Variants in PKIB observed in about 807,000 individuals in gnomAD.
PKIB encodes the protein cAMP-dependent protein kinase inhibitor beta, also known as PKI-beta.
PKIB carries 2 observed loss-of-function variants against 4.5 expected under a neutral mutation model. The observed-to-expected ratio is 0.44, with a 90% CI of 0.18 to 1.39. The LOEUF is 1.39. Among genes scored for constraint, PKIB ranks in the 40% most tolerant of loss-of-function variants. The pLI is 0.27. For missense variants in PKIB, 94 were observed against 92.6 expected (o/e 1.02, Z -0.06); for synonymous variants, 38 against 36.0 (o/e 1.06, Z -0.20).
chr6:122,702,194 C>G (rs1778840567), intron 3 of PKIB, among the ~76,000 whole-genome samples: 1 of 151,596 alleles, frequency 6.6e-6, no homozygotes, highest in African/African-American at 2.4e-5. Context: ...TCTATGTAAT[C>G]CGAACAAAAG....
chr6:122,502,466 GA>G (rs1308243174), intron 2 of PKIB, among the ~76,000 whole-genome samples: 1 of 151,710 alleles, frequency 6.6e-6, no homozygotes, highest in African/African-American at 2.4e-5. Context: ...TTTACAATCA[GA>G]AGAGGGCAAA....
chr6:122,503,410 A>G (rs1325816980), intron 2 of PKIB, among the ~76,000 whole-genome samples: 1 of 152,224 alleles, frequency 6.6e-6, no homozygotes, highest in East Asian at 1.9e-4. Flanking sequence ...TTAAAAATTT[A>G]TGTAAATATT....
At chr6:122,654,152 A>G (rs1010042474) in intron 2 of PKIB, among the ~76,000 whole-genome samples, 3 of 152,136 alleles carry the variant, frequency 2.0e-5, no homozygotes, top group Admixed American at 1.3e-4. Context: ...CTTAAGCCCT[A>G]TCTTTATGTT....
At chr6:122,699,607 C>A (rs1470981960) in intron 3 of PKIB, among the ~76,000 whole-genome samples, 1 of 152,128 alleles carries the variant, frequency 6.6e-6, no homozygotes, top group African/African-American at 2.4e-5. Context: ...CACTCTATAG[C>A]TGTCATGTAA....
At chr6:122,694,747 G>C (rs570271022) in intron 3 of PKIB, among the ~76,000 whole-genome samples, 1 of 152,290 alleles carries the variant, frequency 6.6e-6, no homozygotes, top group African/African-American at 2.4e-5. Flanking sequence ...CACTGTTAGA[G>C]CAGATGGATG....
intron 2 of PKIB, among the ~76,000 whole-genome samples, chr6:122,512,280 G>C (rs1228309858): frequency 6.6e-6 from 1 of 152,142 alleles, no homozygotes; most frequent in Non-Finnish European, 1.5e-5. Context: ...CTTGGGATCT[G>C]TGGCTGCCAT....
intron 2 of PKIB, among the ~76,000 whole-genome samples, chr6:122,667,745 AC>A (rs1000391563): frequency 1.3e-5 from 2 of 152,224 alleles, no homozygotes. Flanking sequence ...TGAATAGTTT[AC>A]AAAAAAAATG....
At position 122,474,833 on chromosome 6, in the gene PKIB, A is replaced by G. The variant is rs768200840; in HGVS notation, c.-337+2792A>G. ...AAATGAATTCTCCCAGATAAACTAT[A>G]GTTGTGACTATTGTACCCTGAGAAA... On this transcript the variant is annotated intron_variant, in intron 1 of 6. Coordinates refer to the PKIB transcript ENST00000392491. 5.3e-4 allele frequency among the ~76,000 whole-genome samples: 80 copies of G among 152,226 alleles called. 2 individuals are homozygous for G. Among genetic ancestry groups the G allele is most frequent in the Admixed American group, 2.6e-4 (4 of 15,284 alleles).
At chr6:122,503,073 G>A (rs1205313692) in intron 2 of PKIB, among the ~76,000 whole-genome samples, 1 of 152,100 alleles carries the variant, frequency 6.6e-6, no homozygotes, top group African/African-American at 2.4e-5. Context: ...AGTGAAAGAG[G>A]GAAGTCTCTT....
At chr6:122,709,491 T>C (rs1779189500) in intron 3 of PKIB, among the ~76,000 whole-genome samples, 1 of 152,100 alleles carries the variant, frequency 6.6e-6, no homozygotes, top group Non-Finnish European at 1.5e-5. Flanking sequence ...GGGAGTTTTT[T>C]TTTTTAATTA....
chr6:122,703,244 C>G (rs1187012694), intron 3 of PKIB, among the ~76,000 whole-genome samples: 2 of 151,818 alleles, frequency 1.3e-5, no homozygotes, highest in African/African-American at 4.8e-5. Flanking sequence ...ATTTTTATAG[C>G]CTTAATATAT....
chr6:122,575,537 G>C (rs1233151873), intron 2 of PKIB, among the ~76,000 whole-genome samples: 1 of 151,950 alleles, frequency 6.6e-6, no homozygotes, highest in Non-Finnish European at 1.5e-5. Context: ...TGACCAACGA[G>C]TGGATAAAGA....
intron 2 of PKIB, among the ~76,000 whole-genome samples, chr6:122,518,079 C>A (rs1001940265): frequency 1.3e-5 from 2 of 152,048 alleles, no homozygotes; most frequent in Admixed American, 6.5e-5. Context: ...TTAAAAGCAA[C>A]CCCAGAAATG....
At chr6:122,578,129 A>G (rs1373913344) in intron 2 of PKIB, among the ~76,000 whole-genome samples, 4 of 152,128 alleles carry the variant, frequency 2.6e-5, no homozygotes, top group African/African-American at 4.8e-5. Flanking sequence ...TTAGAAGGAA[A>G]TGTAGATAGA....
At chr6:122,594,162 C>A (rs1774097384) in intron 3 of PKIB, among the ~76,000 whole-genome samples, 1 of 151,446 alleles carries the variant, frequency 6.6e-6, no homozygotes. Context: ...GATGTGAAGT[C>A]AATAAATCTT....
intron 2 of PKIB, among the ~76,000 whole-genome samples, chr6:122,656,386 T>C (rs9401564): frequency 0.11 from 16,393 of 152,232 alleles, 945 homozygotes; most frequent in East Asian, 0.14. Context: ...AATCAGTTCA[T>C]GGAGAATTAA....
chr6:122,587,254 C>A (rs866051633), intron 3 of PKIB, among the ~76,000 whole-genome samples: 2 of 152,122 alleles, frequency 1.3e-5, no homozygotes, highest in South Asian at 4.2e-4. Context: ...TCAATTCCCA[C>A]CTATGAGTGA....
At chr6:122,591,303 G>A (rs1005597322) in intron 3 of PKIB, among the ~76,000 whole-genome samples, 5 of 151,816 alleles carry the variant, frequency 3.3e-5, no homozygotes, top group African/African-American at 1.2e-4. Context: ...AAGGGCTACT[G>A]GAAGTTACTG....
intron 2 of PKIB, among the ~76,000 whole-genome samples, chr6:122,633,574 G>A (rs1775783743): frequency 1.3e-5 from 2 of 151,998 alleles, no homozygotes; most frequent in African/African-American, 2.4e-5. Flanking sequence ...ATACATACTG[G>A]GACCTTGAGA....
Sources: gnomAD v4.1 joint callset for allele counts (sites outside exome capture counted in the v4.1 genomes callset) on GRCh38, gnomAD v4.1.1 for gene constraint, MANE v1.5 for transcripts, NCBI Gene and HGNC (gene_info 2026-07-23, HGNC 2026-07-21) for gene names.